Variants in APP observed in about 807,000 individuals in gnomAD.
The protein encoded by APP is amyloid beta precursor protein.
APP carries 31 observed loss-of-function variants against 101.4 expected under a neutral mutation model. The ratio of observed to expected loss-of-function variants is 0.31; its 90% confidence interval spans 0.23 to 0.41. The LOEUF (loss-of-function observed/expected upper bound fraction) is 0.41. APP is among the 10% of genes least tolerant of loss of function. The pLI is 1.00. For synonymous variants in APP, 366 were observed against 364.4 expected (o/e 1.00, Z -0.05); for missense variants, 839 against 1,003.7 (o/e 0.84, Z 2.22).
intron 1 of APP, among the ~76,000 whole-genome samples, chr21:26,161,023 A>G (rs576021147): frequency 6.6e-6 from 1 of 152,354 alleles, no homozygotes; most frequent in Admixed American, 6.5e-5. Context: ...AGTTTCTTAA[A>G]TGTTGAGAAG....
intron 5 of APP, among the ~76,000 whole-genome samples, chr21:26,031,075 G>A (rs11909527): frequency 0.1 from 15,692 of 152,158 alleles, 1,262 homozygotes; most frequent in East Asian, 0.29. Context: ...AAAGCTAGGG[G>A]TGGGCTGGGG....
chr21:25,882,467 T>C (rs1254138000), intron 17 of APP, among the ~76,000 whole-genome samples: 1 of 150,638 alleles, frequency 6.6e-6, no homozygotes, highest in Non-Finnish European at 1.5e-5. Context: ...CAGCTCAAAG[T>C]TTAAAATCAG....
chr21:25,985,566 T>G (rs116529019), intron 8 of APP, among the ~76,000 whole-genome samples: 1,629 of 152,278 alleles, frequency 0.011, 26 homozygotes, highest in African/African-American at 0.036. Context: ...AGATTTGGAC[T>G]AAATCATACC....
intron 2 of APP, among the ~76,000 whole-genome samples, chr21:26,109,072 G>A (rs146633897): frequency 9.3e-4 from 142 of 152,224 alleles, no homozygotes; most frequent in African/African-American, 3.1e-3. Context: ...CAAGACTTCC[G>A]TGGGTGGGTG....
chr21:26,014,486 T>TA lies in APP; in HGVS notation c.865+7353dup, dbSNP rs201409635. ...CCTATTCTTCCTTTATAATTACTGATACGCCAACTTCTCTGCAACATAGTA... is the reference window on the plus strand; with the variant it reads ...CCTATTCTTCCTTTATAATTACTGATAACGCCAACTTCTCTGCAACATAGTA... On this transcript the variant is annotated intron_variant, in intron 6 of 17. Coordinates refer to ENST00000346798, the MANE Select transcript of APP (RefSeq NM_000484.4). 6.1e-4 allele frequency among the ~76,000 whole-genome samples: 93 copies of TA among 152,328 alleles called. 3 individuals are homozygous for TA. The East Asian group carries it at 0.014, about 23-fold the overall frequency.
chr21:26,126,852 A>G (rs1475310997), intron 1 of APP, among the ~76,000 whole-genome samples: 1 of 152,162 alleles, frequency 6.6e-6, no homozygotes, highest in Non-Finnish European at 1.5e-5. Flanking sequence ...CAAAATTAGC[A>G]TTCAAATATT....
intron 17 of APP, among the ~76,000 whole-genome samples, chr21:25,891,487 A>G (rs1291322151): frequency 3.9e-5 from 6 of 152,196 alleles, no homozygotes; most frequent in East Asian, 1.9e-4. Flanking sequence ...TAACTTCAAC[A>G]CAAATTGTAA....
At chr21:26,105,068 CAAAAAAAA>C (rs10579923) in intron 2 of APP, among the ~76,000 whole-genome samples, 3 of 110,500 alleles carry the variant, frequency 2.7e-5, no homozygotes, top group African/African-American at 3.7e-5. Context: ...GCATTTTTTT[CAAAAAAAA>C]AAAAAAAAAA....
intron 16 of APP, among the ~76,000 whole-genome samples, chr21:25,895,176 C>CT (rs371074293): frequency 0.024 from 3,394 of 143,688 alleles, 46 homozygotes; most frequent in Middle Eastern, 0.029. Context: ...TAAATACAAA[C>CT]TTTTTTTTTT....
chr21:26,019,561 TC>T (rs2044244521), intron 6 of APP, among the ~76,000 whole-genome samples: 2 of 152,368 alleles, frequency 1.3e-5, no homozygotes, highest in East Asian at 3.9e-4. Flanking sequence ...GATTTTAACA[TC>T]CACTAGGGTT....
intron 1 of APP, among the ~76,000 whole-genome samples, chr21:26,129,305 T>C (rs1370015263): frequency 9.9e-5 from 15 of 152,032 alleles, no homozygotes; most frequent in Admixed American, 9.8e-4. Flanking sequence ...ACCCCGTCTC[T>C]ACTAAAAATA....
At chr21:26,050,418 G>A (rs1477781207) in intron 5 of APP, among the ~76,000 whole-genome samples, 1 of 152,120 alleles carries the variant, frequency 6.6e-6, no homozygotes, top group Non-Finnish European at 1.5e-5. Flanking sequence ...CAGGTAAGAA[G>A]TAACGGGACT....
chr21:26,023,972 T>C lies in APP; in HGVS notation c.663-1930A>G, dbSNP rs144683103. On this transcript the variant is annotated intron_variant, in intron 5 of 17. Transcript: ENST00000346798. ...TAAACATTTACATGCTGATGCATCATAGTTTGTAAAAAATAAGCAAATTTG... is the reference window on the plus strand; with the variant it reads ...TAAACATTTACATGCTGATGCATCACAGTTTGTAAAAAATAAGCAAATTTG... Among the ~76,000 whole-genome samples, 3 of 152,332 alleles carry C rather than the reference T, an allele frequency of 2.0e-5. No individual in the cohort carries two copies. In the East Asian group the frequency reaches 5.8e-4, roughly 29 times the overall value.
intron 6 of APP, among the ~76,000 whole-genome samples, chr21:26,009,002 G>GC (rs1309047337): frequency 9.9e-5 from 15 of 152,130 alleles, no homozygotes; most frequent in African/African-American, 1.2e-4. Context: ...TGGGACTCAG[G>GC]CCCCCCATAC....
intron 1 of APP, among the ~76,000 whole-genome samples, chr21:26,158,604 G>A (rs12233316): frequency 0.019 from 2,914 of 152,166 alleles, 77 homozygotes; most frequent in East Asian, 0.11. Context: ...TCAATGCCTC[G>A]TCCCCATTTT....
At chr21:26,087,336 A>G (rs1601425661) in intron 3 of APP, among the ~76,000 whole-genome samples, 1 of 152,232 alleles carries the variant, frequency 6.6e-6, no homozygotes, top group East Asian at 1.9e-4. Flanking sequence ...AAAATGAGAA[A>G]ATATGGTAAA....
At chr21:26,089,631 T>C in intron 3 of APP, 1 of 238,056 alleles carries the variant, frequency 4.2e-6, no homozygotes, top group South Asian at 6.7e-5. Context: ...ATCTATGCGA[T>C]ACGGTAAAAT....
intron 7 of APP, among the ~76,000 whole-genome samples, chr21:25,998,942 A>G (rs1015594097): frequency 6.6e-6 from 1 of 152,220 alleles, no homozygotes; most frequent in African/African-American, 2.4e-5. Context: ...TCATGACTTC[A>G]TATTTTTATC....
At chr21:26,077,203 A>G (rs905163853) in intron 3 of APP, among the ~76,000 whole-genome samples, 2 of 152,220 alleles carry the variant, frequency 1.3e-5, no homozygotes, top group Non-Finnish European at 2.9e-5. Flanking sequence ...GGAGGTCATA[A>G]AAATCATTCA....
Sources: gnomAD v4.1 joint callset for allele counts (sites outside exome capture counted in the v4.1 genomes callset) on GRCh38, gnomAD v4.1.1 for gene constraint, MANE v1.5 for transcripts, NCBI Gene and HGNC (gene_info 2026-07-23, HGNC 2026-07-21) for gene names.